GALNT13: variants seen among roughly 807,000 people sequenced by gnomAD.
GALNT13 encodes the protein UDP-GalNAc:polypeptide N-acetylgalactosaminyltransferase 13.
A neutral mutation model predicts 64.2 loss-of-function variants in GALNT13; 28 were observed. The ratio of observed to expected loss-of-function variants is 0.44; its 90% confidence interval spans 0.32 to 0.60. The LOEUF is 0.60. Ranked by LOEUF, GALNT13 falls within the 20% of genes least tolerant of loss-of-function variation. The pLI, the probability that GALNT13 is intolerant of heterozygous loss-of-function variation, is 0.05. For synonymous variants in GALNT13, 214 were observed against 224.6 expected, an observed-to-expected ratio of 0.95 and a Z score of 0.42; for missense variants, 577 against 669.8, an observed-to-expected ratio of 0.86 and a Z score of 1.53.
the GALNT13 span, among the ~76,000 whole-genome samples, chr2:153,736,957 G>C: frequency 6.6e-6 from 1 of 152,174 alleles, no homozygotes; most frequent in Admixed American, 6.6e-5. Context: ...AATTGCTTCT[G>C]CCTTTCCCAC....
the GALNT13 span, among the ~76,000 whole-genome samples, chr2:153,164,222 A>G: frequency 2.0e-5 from 3 of 152,108 alleles, no homozygotes; most frequent in Non-Finnish European, 1.5e-5. Context: ...ATACATTTCT[A>G]CTCCATAGTC....
At chr2:153,748,256 A>G in the GALNT13 span, among the ~76,000 whole-genome samples, 6 of 152,134 alleles carry the variant, frequency 3.9e-5, no homozygotes, top group Non-Finnish European at 5.9e-5. Flanking sequence ...GCAACTTTCA[A>G]TATGTTTATT....
chr2:154,212,201 G>A lies in GALNT13; in HGVS notation c.312-29829G>A, dbSNP rs539573270. Among the ~76,000 whole-genome samples, 3 of 152,138 alleles carry A rather than the reference G, an allele frequency of 2.0e-5. No homozygotes were observed. The South Asian group carries it at 6.2e-4, about 32-fold the overall frequency. ...CTGAATGTGTACAAAATGTTTTGTG[G>A]CAGGGGTGCAGGGGGTAGGGGGTAG... On this transcript the variant is annotated intron_variant, in intron 4 of 12. Coordinates refer to ENST00000392825, the MANE Select transcript of GALNT13 (RefSeq NM_052917.4).
chr2:153,403,163 G>T, the GALNT13 span, among the ~76,000 whole-genome samples: 6,451 of 149,712 alleles, frequency 0.043, 195 homozygotes, highest in Middle Eastern at 0.12. Flanking sequence ...ACCCTCAGCT[G>T]CAGGTCTGTT....
At chr2:153,719,769 G>A in the GALNT13 span, among the ~76,000 whole-genome samples, 1 of 151,494 alleles carries the variant, frequency 6.6e-6, no homozygotes, top group African/African-American at 2.4e-5. Context: ...AAAAAACGGC[G>A]CACCACGAGA....
chr2:153,446,341 A>G, the GALNT13 span, among the ~76,000 whole-genome samples: 1 of 152,220 alleles, frequency 6.6e-6, no homozygotes, highest in African/African-American at 2.4e-5. Flanking sequence ...TATAGTAAGT[A>G]CTTCCTACAT....
the GALNT13 span, among the ~76,000 whole-genome samples, chr2:153,286,485 T>TATA: frequency 6.6e-6 from 1 of 152,164 alleles, no homozygotes; most frequent in African/African-American, 2.4e-5. Flanking sequence ...TCATTTAGAA[T>TATA]ATAAGATTAG....
At chr2:153,146,416 G>A in the GALNT13 span, among the ~76,000 whole-genome samples, 1 of 151,786 alleles carries the variant, frequency 6.6e-6, no homozygotes, top group African/African-American at 2.4e-5. Context: ...ATTCTGGGTT[G>A]GAGAAAACCT....
At chr2:154,288,960 G>A (rs572023595) in intron 8 of GALNT13, among the ~76,000 whole-genome samples, 1 of 152,306 alleles carries the variant, frequency 6.6e-6, no homozygotes, top group East Asian at 1.9e-4. Context: ...TCTGTGTGGG[G>A]GCTTGCACCC....
At chr2:154,118,496 A>C (rs1681735168) in intron 3 of GALNT13, among the ~76,000 whole-genome samples, 1 of 151,866 alleles carries the variant, frequency 6.6e-6, no homozygotes, top group Admixed American at 6.6e-5. Context: ...TTGTTGAGAA[A>C]TGTAATAAAT....
the GALNT13 span, among the ~76,000 whole-genome samples, chr2:153,319,969 A>G: frequency 6.6e-6 from 1 of 152,184 alleles, no homozygotes; most frequent in African/African-American, 2.4e-5. Context: ...AGCTGAAAAA[A>G]AATGTGTGAT....
the GALNT13 span, among the ~76,000 whole-genome samples, chr2:153,220,649 C>A: frequency 6.6e-6 from 1 of 152,206 alleles, no homozygotes; most frequent in African/African-American, 2.4e-5. Context: ...TGCAAGACAC[C>A]AACTTGGGCC....
the GALNT13 span, among the ~76,000 whole-genome samples, chr2:153,718,627 C>T: frequency 6.6e-6 from 1 of 152,086 alleles, no homozygotes; most frequent in Non-Finnish European, 1.5e-5. Flanking sequence ...TCTTCTAACG[C>T]AGTGACATGA....
intron 4 of GALNT13, among the ~76,000 whole-genome samples, chr2:154,180,552 A>C (rs915025442): frequency 6.6e-6 from 1 of 152,104 alleles, no homozygotes; most frequent in Admixed American, 6.6e-5. Flanking sequence ...TTATAAATGT[A>C]ATTAATGCAT....
intron 2 of GALNT13, among the ~76,000 whole-genome samples, chr2:153,902,723 A>G (rs542444046): frequency 1.3e-4 from 20 of 152,178 alleles, no homozygotes; most frequent in African/African-American, 4.8e-4. Context: ...AATAGTAATA[A>G]TTAATGCTTG....
At chr2:153,210,269 T>C in the GALNT13 span, among the ~76,000 whole-genome samples, 3 of 152,194 alleles carry the variant, frequency 2.0e-5, no homozygotes, top group Non-Finnish European at 4.4e-5. Context: ...TTAAGAATGA[T>C]ATTAGTTTTA....
At chr2:153,763,784 T>C in the GALNT13 span, among the ~76,000 whole-genome samples, 2 of 152,204 alleles carry the variant, frequency 1.3e-5, no homozygotes, top group South Asian at 4.1e-4. Flanking sequence ...TTGGAATACA[T>C]CAGAGGGCTT....
At chr2:153,793,256 G>T in the GALNT13 span, among the ~76,000 whole-genome samples, 1 of 151,970 alleles carries the variant, frequency 6.6e-6, no homozygotes, top group African/African-American at 2.4e-5. Flanking sequence ...ACAGGCGTGA[G>T]CCACCGCACC....
the GALNT13 span, among the ~76,000 whole-genome samples, chr2:153,274,250 T>C: frequency 1.3e-5 from 2 of 151,960 alleles, no homozygotes; most frequent in African/African-American, 4.8e-5. Flanking sequence ...CTGCCTGCCG[T>C]TATTGGAGAC....
Sources: allele counts gnomAD v4.1 joint callset (sites outside exome capture counted in the v4.1 genomes callset), GRCh38; gene constraint gnomAD v4.1.1; transcripts MANE v1.5; gene names NCBI Gene and HGNC (gene_info 2026-07-23, HGNC 2026-07-21).